HACD2: variants seen among roughly 807,000 people sequenced by gnomAD.
HACD2 encodes the protein very-long-chain (3R)-3-hydroxyacyl-CoA dehydratase 2.
A neutral mutation model predicts 31.0 loss-of-function variants in HACD2; 15 were observed. That is an observed-to-expected ratio of 0.48 (90% CI 0.32 to 0.75). HACD2 has a LOEUF of 0.75. HACD2 is among the 30% of genes least tolerant of loss of function. HACD2 has a pLI of 0.03. For synonymous variants in HACD2, 115 were observed against 122.2 expected, an observed-to-expected ratio of 0.94 and a Z score of 0.39; for missense variants, 283 against 313.0, an observed-to-expected ratio of 0.90 and a Z score of 0.72.
chr3:123,516,233 A>ATTT (rs138783399), intron 4 of HACD2, among the ~76,000 whole-genome samples: 3,770 of 125,732 alleles, frequency 0.03, 67 homozygotes, highest in Middle Eastern at 0.083. Context: ...TGTGCAACAT[A>ATTT]TTTTTTTTTT....
chr3:123,546,564 C>T (rs1201560413), intron 3 of HACD2, among the ~76,000 whole-genome samples: 2 of 152,188 alleles, frequency 1.3e-5, no homozygotes, highest in Non-Finnish European at 2.9e-5. Flanking sequence ...TAACTCATCA[C>T]AGACGTCTTA....
intron 4 of HACD2, among the ~76,000 whole-genome samples, chr3:123,512,966 A>G (rs949986795): frequency 6.6e-6 from 1 of 152,176 alleles, no homozygotes; most frequent in African/African-American, 2.4e-5. Flanking sequence ...ATCCTCTACT[A>G]AAAGGAATCA....
intron 2 of HACD2, among the ~76,000 whole-genome samples, chr3:123,578,427 T>G (rs549585714): frequency 6.6e-6 from 1 of 152,112 alleles, no homozygotes; most frequent in Admixed American, 6.5e-5. Context: ...TGTGCTACCA[T>G]GCCTGGCCAA....
At chr3:123,550,028 G>A (rs934547220) in intron 3 of HACD2, among the ~76,000 whole-genome samples, 2 of 152,116 alleles carry the variant, frequency 1.3e-5, no homozygotes, top group Non-Finnish European at 2.9e-5. Flanking sequence ...AGTATTTAAG[G>A]CTGAGTGTGG....
At chr3:123,545,139 G>GTTTT (rs377625410) in intron 3 of HACD2, among the ~76,000 whole-genome samples, 1 of 132,400 alleles carries the variant, frequency 7.6e-6, no homozygotes, top group African/African-American at 2.8e-5. Flanking sequence ...GGTACTAGCT[G>GTTTT]TTTTTTTTTT....
chr3:123,495,982 A>C (rs1294428955), intron 6 of HACD2, among the ~76,000 whole-genome samples: 1 of 152,172 alleles, frequency 6.6e-6, no homozygotes, highest in Non-Finnish European at 1.5e-5. Flanking sequence ...TTTGTTGTAC[A>C]ATATCCTTCC....
chr3:123,539,364 G>A (rs4678039), intron 3 of HACD2, among the ~76,000 whole-genome samples: 5,837 of 152,206 alleles, frequency 0.038, 698 homozygotes, highest in East Asian at 0.35. Flanking sequence ...GAGGTCAGGA[G>A]TTTGAGACCA....
chr3:123,547,728 T>C (rs573458743), intron 3 of HACD2, among the ~76,000 whole-genome samples: 5 of 152,244 alleles, frequency 3.3e-5, no homozygotes, highest in East Asian at 1.9e-4. Context: ...TTAGATTACA[T>C]AGAAATAAAG....
intron 5 of HACD2, among the ~76,000 whole-genome samples, chr3:123,500,922 C>G (rs1400835329): frequency 1.3e-5 from 2 of 152,148 alleles, no homozygotes; most frequent in Non-Finnish European, 2.9e-5. Flanking sequence ...GTTCAGGCAG[C>G]CTCAAAATTT....
chr3:123,525,776 A>C (rs2056275873), intron 4 of HACD2, among the ~76,000 whole-genome samples: 1 of 152,244 alleles, frequency 6.6e-6, no homozygotes, highest in South Asian at 2.1e-4. Flanking sequence ...TTTGAACATT[A>C]CTACAAGAAA....
chr3:123,570,272 C>T (rs562784100), intron 2 of HACD2, among the ~76,000 whole-genome samples: 7 of 151,954 alleles, frequency 4.6e-5, no homozygotes, highest in Non-Finnish European at 1.0e-4. Flanking sequence ...AATTGATACA[C>T]AAAGAAGAAA....
At chr3:123,542,766 G>A (rs569262904) in intron 3 of HACD2, among the ~76,000 whole-genome samples, 22 of 152,276 alleles carry the variant, frequency 1.4e-4, no homozygotes, top group Admixed American at 9.8e-4. Context: ...AAGATGAGCC[G>A]AAACATTCTG....
chr3:123,528,894 C>T (rs1458170075), intron 3 of HACD2, among the ~76,000 whole-genome samples: 1 of 152,124 alleles, frequency 6.6e-6, no homozygotes, highest in African/African-American at 2.4e-5. Flanking sequence ...GTGCTGGAAG[C>T]TCATGGACAT....
chr3:123,499,588 T>G (rs1017257614), intron 6 of HACD2: 4 of 454,648 alleles, frequency 8.8e-6, no homozygotes, highest in Non-Finnish European at 1.8e-5. Flanking sequence ...TTAGGGTGAT[T>G]CATTCCGATG....
intron 6 of HACD2, among the ~76,000 whole-genome samples, chr3:123,497,976 C>T (rs2107677680): frequency 6.6e-6 from 1 of 152,360 alleles, no homozygotes; most frequent in Non-Finnish European, 1.5e-5. Context: ...AGCAACCTCT[C>T]CTAATTCTGC....
At chr3:123,584,639 C>A (rs111291337) in intron 1 of HACD2, 17,100 of 355,732 alleles carry the variant, frequency 0.048, 2,603 homozygotes, top group African/African-American at 0.33. Flanking sequence ...GTCCCCGCGC[C>A]CCAGTGCCTG....
At chr3:123,514,592 T>C (rs543445280) in intron 4 of HACD2, among the ~76,000 whole-genome samples, 46 of 152,190 alleles carry the variant, frequency 3.0e-4, no homozygotes, top group African/African-American at 1.1e-3. Flanking sequence ...TAAGAAAACA[T>C]ATCAACAAGC....
At chr3:123,509,677 T>G (rs1432784295) in intron 4 of HACD2, among the ~76,000 whole-genome samples, 2 of 151,930 alleles carry the variant, frequency 1.3e-5, no homozygotes, top group Non-Finnish European at 2.9e-5. Flanking sequence ...TTTTTTGTAT[T>G]TTTAGTAGAG....
At chr3:123,527,376 C>T (rs2056297551) in intron 4 of HACD2, among the ~76,000 whole-genome samples, 1 of 152,210 alleles carries the variant, frequency 6.6e-6, no homozygotes, top group South Asian at 2.1e-4. Context: ...ACACTGTTCT[C>T]AGCAGCATGA....
Sources: gnomAD v4.1 joint callset for allele counts (sites outside exome capture counted in the v4.1 genomes callset) on GRCh38, gnomAD v4.1.1 for gene constraint, MANE v1.5 for transcripts, NCBI Gene and HGNC (gene_info 2026-07-23, HGNC 2026-07-21) for gene names.